Variants in CAPN3 observed in about 807,000 individuals in gnomAD.
CAPN3 encodes the protein calpain-3.
A neutral mutation model predicts 114.0 loss-of-function variants in CAPN3; 88 were observed. The observed-to-expected ratio is 0.77, with a 90% CI of 0.65 to 0.92. The LOEUF (loss-of-function observed/expected upper bound fraction) is 0.92. CAPN3 is among the 40% of genes least tolerant of loss of function. CAPN3 has a pLI of 0.00. For missense variants in CAPN3, 1,028 were observed against 1,069.0 expected, an observed-to-expected ratio of 0.96 and a Z score of 0.53; for synonymous variants, 386 against 382.9, an observed-to-expected ratio of 1.01 and a Z score of -0.09.
intron 13 of CAPN3, among the ~76,000 whole-genome samples, 159 bp downstream of exon 13, chr15:42,403,161 G>C (rs2053922919): frequency 6.6e-6 from 1 of 152,188 alleles, no homozygotes; most frequent in Non-Finnish European, 1.5e-5. Flanking sequence ...CATCCATTCT[G>C]TGATATTTAT....
intron 19 of CAPN3, 90 bp from the exon 20 acceptor site, chr15:42,410,338 G>T: frequency 8.8e-7 from 1 of 1,135,526 alleles, no homozygotes; most frequent in South Asian, 1.2e-5. Flanking sequence ...ACAGGGCAGT[G>T]GGTAGGACAG....
intron 9 of CAPN3, 144 bp from the exon 10 acceptor site, chr15:42,399,348 A>G (rs1261242872): frequency 1.3e-5 from 9 of 684,688 alleles, no homozygotes; most frequent in Non-Finnish European, 2.4e-5. Flanking sequence ...GTTTGCCCTA[A>G]AAAGGAAAGA....
chr15:42,387,527 A>C (rs890823181), intron 3 of CAPN3, among the ~76,000 whole-genome samples: 3 of 152,224 alleles, frequency 2.0e-5, no homozygotes, highest in African/African-American at 7.2e-5. Flanking sequence ...TCTGTGGAAG[A>C]CATGAAGTAT....
rs866533873 is a variant in CAPN3 at position 42,403,752 on chromosome 15, A to G, written c.1757A>G (p.Asn586Ser). The G allele has an allele frequency of 6.2e-6, 10 of 1,613,942 alleles. No homozygotes were observed. The East Asian group carries it at 2.2e-4, about 36-fold the overall frequency. Residue 586 changes from asparagine to serine, a missense_variant, in exon 14 of 24, where the codon AAT (asparagine) becomes AGT (serine). By Grantham distance (46) the Asn-to-Ser change is conservative (BLOSUM62 1). Coordinates refer to ENST00000397163, the MANE Select transcript of CAPN3 (RefSeq NM_000070.3). ...EKRNLSEEVE[N>S]TISVDRPVKK... Reference sequence around the variant, plus strand: ...TGTATTCCTCACAGGGAAGTTGAAAATACCATCTCCGTGGATCGGCCAGTG... The same window carrying G: ...TGTATTCCTCACAGGGAAGTTGAAAGTACCATCTCCGTGGATCGGCCAGTG...
chr15:42,380,752 T>TATATATATATATATATATATATA (rs1491298329), intron 1 of CAPN3, among the ~76,000 whole-genome samples: 1 of 37,800 alleles, frequency 2.6e-5, no homozygotes, highest in African/African-American at 1.6e-4. Flanking sequence ...TATATATATA[T>TATATATATATATATATATATATA]TTTTTTTTTT....
chr15:42,388,661 G>A (rs1054021672), intron 4 of CAPN3, among the ~76,000 whole-genome samples: 5 of 151,996 alleles, frequency 3.3e-5, no homozygotes, highest in African/African-American at 2.4e-5. Context: ...AGTGGAAAGA[G>A]CTCTCAGGAA....
chr15:42,411,860 C>T lies in CAPN3; in HGVS notation c.*87C>T, dbSNP rs897908283. The T allele has an allele frequency of 1.2e-5, 20 of 1,610,218 alleles. No homozygotes were observed. In the African/African-American group the frequency reaches 2.3e-4, roughly 18 times the overall value. On this transcript the variant is annotated 3_prime_UTR_variant, in exon 24 of 24. Coordinates refer to ENST00000397163, the MANE Select transcript of CAPN3 (RefSeq NM_000070.3). ...TTCCAAAGCCATTTACCTCAAAGGACCCAGCAGCTACACCCCTACAGGCTT... is the reference window on the plus strand; with the variant it reads ...TTCCAAAGCCATTTACCTCAAAGGATCCAGCAGCTACACCCCTACAGGCTT...
At chr15:42,360,153 A>T in intron 1 of CAPN3, 39 bp downstream of exon 1, 1 of 1,612,876 alleles carries the variant, frequency 6.2e-7, no homozygotes, top group Non-Finnish European at 8.5e-7. Flanking sequence ...TTTTCCCCCC[A>T]CGGAGGAGTC....
At chr15:42,405,648 C>G (rs1036134732) in intron 14 of CAPN3, among the ~76,000 whole-genome samples, 28 of 152,150 alleles carry the variant, frequency 1.8e-4, no homozygotes, top group Non-Finnish European at 3.8e-4. Flanking sequence ...GAAAGAAAAC[C>G]TTAGCCAGAA....
chr15:42,409,492 G>A, intron 17 of CAPN3, 112 bp downstream of exon 17: 1 of 1,032,994 alleles, frequency 9.7e-7, no homozygotes, highest in African/African-American at 1.6e-5. Context: ...TTGGACTTTG[G>A]TGGAGCCAGG....
intron 1 of CAPN3, among the ~76,000 whole-genome samples, chr15:42,370,600 A>G (rs927752553): frequency 6.6e-6 from 1 of 152,220 alleles, no homozygotes; most frequent in African/African-American, 2.4e-5. Flanking sequence ...CTAGCCACAG[A>G]GAGGAAGAAC....
At chr15:42,384,869 T>C (rs1825319857) in intron 2 of CAPN3, among the ~76,000 whole-genome samples, 1 of 152,220 alleles carries the variant, frequency 6.6e-6, no homozygotes, top group Admixed American at 6.5e-5. Flanking sequence ...TCGTCTTTCT[T>C]GGAAGACAGC....
At position 42,409,776 on chromosome 15, in the gene CAPN3, TTCC is replaced by T. The variant is rs752606229; in HGVS notation, c.1993-5_1993-3del. 2.5e-6 allele frequency: 4 copies of T among 1,611,078 alleles called. No homozygotes were observed. Among genetic ancestry groups the T allele is most frequent in the African/African-American group, 1.3e-5 (1 of 74,194 alleles). On this transcript the variant is annotated splice_region_variant and splice_polypyrimidine_tract_variant and intron_variant, in intron 17 of 23. Coordinates refer to ENST00000397163, the MANE Select transcript of CAPN3 (RefSeq NM_000070.3). The stretch of plus-strand genomic sequence containing the variant: ...TCCTGAACCATGACCCTCCTCTCCC[TTCC>T]TCCTCAGGACATGGAGATCTGTGCA...
chr15:42,390,636 C>T (rs1319519621), intron 6 of CAPN3, among the ~76,000 whole-genome samples: 4 of 151,728 alleles, frequency 2.6e-5, no homozygotes, highest in African/African-American at 9.7e-5. Flanking sequence ...ATATTTTTCC[C>T]CATGTAAAGA....
intron 1 of CAPN3, among the ~76,000 whole-genome samples, chr15:42,382,955 A>C (rs1210857509): frequency 1.3e-5 from 2 of 152,166 alleles, no homozygotes; most frequent in Non-Finnish European, 2.9e-5. Flanking sequence ...TCCTAAGTCA[A>C]AACTATTTTT....
At chr15:42,400,541 G>A (rs995716078) in intron 10 of CAPN3, among the ~76,000 whole-genome samples, 1 of 151,664 alleles carries the variant, frequency 6.6e-6, no homozygotes, top group African/African-American at 2.4e-5. Flanking sequence ...GACCAGCACA[G>A]GCAACATAGT....
At chr15:42,394,488 G>A in intron 8 of CAPN3, 147 bp downstream of exon 8, 1 of 730,890 alleles carries the variant, frequency 1.4e-6, no homozygotes, top group Non-Finnish European at 2.4e-6. Flanking sequence ...GAGGGGCACA[G>A]GTGTTGGCTC....
At chr15:42,408,110 C>G in intron 15 of CAPN3, 101 bp from the exon 16 acceptor site, 1 of 772,138 alleles carries the variant, frequency 1.3e-6, no homozygotes, top group Non-Finnish European at 2.3e-6. Flanking sequence ...TTCCTTTCCT[C>G]TTCTCACTGG....
intron 1 of CAPN3, among the ~76,000 whole-genome samples, chr15:42,374,986 A>AATTTATTTATTTATTTATTTATTT: frequency 7.5e-6 from 1 of 134,026 alleles, no homozygotes; most frequent in East Asian, 2.2e-4. Context: ...TTTAAATAAA[A>AATTTATTTATTTATTTATTTATTT]ATTTATTTAT....
Sources: allele counts gnomAD v4.1 joint callset (sites outside exome capture counted in the v4.1 genomes callset), GRCh38; gene constraint gnomAD v4.1.1; transcripts MANE v1.5; gene names NCBI Gene and HGNC (gene_info 2026-07-23, HGNC 2026-07-21).